PCDH11X: variants seen among roughly 807,000 people sequenced by gnomAD.
PCDH11X encodes the protein protocadherin-11 X-linked.
A neutral mutation model predicts 53.3 loss-of-function variants in PCDH11X; 18 were observed. The ratio of observed to expected loss-of-function variants is 0.34; its 90% CI spans 0.23 to 0.50. The LOEUF (loss-of-function observed/expected upper bound fraction) is 0.50, where lower values mean the gene tolerates loss of function less well. PCDH11X is among the 20% of genes least tolerant of loss of function. PCDH11X has a pLI of 0.98. For missense variants in PCDH11X, 570 were observed against 1,032.4 expected (o/e 0.55, Z 6.14); for synonymous variants, 279 against 393.3 (o/e 0.71, Z 3.44).
chrX:92,024,829 C>G (rs1436609217), intron 6 of PCDH11X, among the ~76,000 whole-genome samples: 2 of 106,441 alleles, frequency 1.9e-5, no homozygotes, highest in African/African-American at 6.8e-5. Context: ...TACTGACATA[C>G]AATGGAATAG....
intron 10 of PCDH11X, among the ~76,000 whole-genome samples, chrX:92,580,860 G>A (rs5985008): frequency 0.36 from 39,868 of 109,978 alleles, 6,019 homozygotes; most frequent in African/African-American, 0.55. Context: ...CTTGGGTGGA[G>A]GTGGGAGCTC....
intron 10 of PCDH11X, among the ~76,000 whole-genome samples, chrX:92,570,392 C>G: frequency 8.9e-6 from 1 of 111,793 alleles, no homozygotes; most frequent in East Asian, 2.8e-4. Flanking sequence ...ACATAAATTA[C>G]TTGATCATGT....
At chrX:92,517,255 C>T (rs896381032) in intron 10 of PCDH11X, among the ~76,000 whole-genome samples, 4 of 111,654 alleles carry the variant, frequency 3.6e-5, no homozygotes. Flanking sequence ...AAAAACAGAG[C>T]TTGAGTGTGT....
intron 6 of PCDH11X, among the ~76,000 whole-genome samples, chrX:92,184,229 T>C (rs1422119925): frequency 8.9e-6 from 1 of 111,922 alleles, no homozygotes; most frequent in South Asian, 3.7e-4. Context: ...TTGGTGAAAA[T>C]GTAGACACTG....
intron 6 of PCDH11X, chrX:92,113,469 C>A (rs1339135224): frequency 1.7e-6 from 2 of 1,203,853 alleles, no homozygotes; most frequent in African/African-American, 1.8e-5. Flanking sequence ...CTCTGGCCAG[C>A]AGGTCAGTGG....
chrX:92,275,198 T>A (rs1441620480), intron 8 of PCDH11X, among the ~76,000 whole-genome samples: 1 of 101,472 alleles, frequency 9.9e-6, no homozygotes, highest in Non-Finnish European at 2.0e-5. Flanking sequence ...GGTCAAGTTA[T>A]TTGGACAGAA....
intron 6 of PCDH11X, among the ~76,000 whole-genome samples, chrX:92,116,761 A>AT (rs1401138734): frequency 1.8e-5 from 2 of 109,396 alleles, no homozygotes; most frequent in African/African-American, 6.7e-5. Flanking sequence ...AATGTTTTGT[A>AT]TTTTTTTGTA....
At chrX:92,489,332 G>A (rs1202053343) in intron 10 of PCDH11X, among the ~76,000 whole-genome samples, 1 of 110,495 alleles carries the variant, frequency 9.1e-6, no homozygotes, top group Non-Finnish European at 1.9e-5. Context: ...CGCCCACTAT[G>A]AGCTCTGAGC....
In PCDH11X at chrX:92,622,570, A is replaced by G. The variant is rs1231819102; in HGVS notation, c.*3630A>G. The G allele has an allele frequency of 2.7e-5, 3 of 110,932 alleles. No homozygotes were observed. The highest frequency in any genetic ancestry group is 5.7e-5 in the Non-Finnish European group (3 of 52,851). 9.1% of individuals were successfully genotyped at this position (110,932 alleles called of 1,213,427 possible). ...TTTATATTTTTTGGAAACCAAATTT[A>G]TAGTTAGTTTAGGTAAACTTTTTAT... On this transcript the variant is annotated 3_prime_UTR_variant, in exon 11 of 11. Coordinates refer to ENST00000682573, the MANE Select transcript of PCDH11X (RefSeq NM_032968.5).
At chrX:92,222,539 C>A (rs1185370998) in intron 7 of PCDH11X, among the ~76,000 whole-genome samples, 2 of 111,584 alleles carry the variant, frequency 1.8e-5, no homozygotes, top group African/African-American at 6.5e-5. Context: ...ATGTAGAATT[C>A]TTTTGTTGTT....
At chrX:92,525,977 C>G (rs912630266) in intron 10 of PCDH11X, among the ~76,000 whole-genome samples, 1 of 111,363 alleles carries the variant, frequency 9.0e-6, no homozygotes, top group African/African-American at 3.3e-5. Context: ...GAATTCAGTA[C>G]TTGGGCTCCA....
At chrX:92,145,170 G>T (rs1443824812) in intron 6 of PCDH11X, among the ~76,000 whole-genome samples, 1 of 111,038 alleles carries the variant, frequency 9.0e-6, no homozygotes, top group Non-Finnish European at 1.9e-5. Flanking sequence ...TGTATACAAT[G>T]GCTCTAATTT....
chrX:92,119,548 A>C (rs1338000241), intron 6 of PCDH11X, among the ~76,000 whole-genome samples: 1 of 111,558 alleles, frequency 9.0e-6, no homozygotes, highest in Non-Finnish European at 1.9e-5. Flanking sequence ...CTTTATTAGA[A>C]AGATAGGAAA....
intron 6 of PCDH11X, among the ~76,000 whole-genome samples, chrX:91,880,662 C>T (rs1259027060): frequency 1.5e-4 from 17 of 109,973 alleles, no homozygotes; most frequent in African/African-American, 5.3e-4. Flanking sequence ...TAAACTAGAA[C>T]CCTAGTGTCT....
At chrX:92,095,163 T>G (rs1487576027) in intron 6 of PCDH11X, among the ~76,000 whole-genome samples, 1 of 110,839 alleles carries the variant, frequency 9.0e-6, no homozygotes, top group Non-Finnish European at 1.9e-5. Flanking sequence ...GTCTAGGTTG[T>G]CATTAGTGTT....
intron 8 of PCDH11X, among the ~76,000 whole-genome samples, chrX:92,274,915 G>T (rs1215699981): frequency 9.1e-6 from 1 of 110,010 alleles, no homozygotes; most frequent in Admixed American, 9.7e-5. Context: ...TACAGTCATG[G>T]GGGTCAGGTG....
chrX:91,895,636 T>C lies in PCDH11X; in HGVS notation c.3033+16363T>C, dbSNP rs184672969. ...CAGAAATATCAAATAATTTTATATA[T>C]TCTACATGAGGTTTCCCCTTGCCCA... On this transcript the variant is annotated intron_variant, in intron 6 of 10. Coordinates refer to ENST00000682573, the MANE Select transcript of PCDH11X (RefSeq NM_032968.5). Among the ~76,000 whole-genome samples, 3 of 109,578 alleles carry C rather than the reference T, an allele frequency of 2.7e-5. No homozygotes were observed. The Admixed American group carries it at 3.0e-4, about 11-fold the overall frequency.
chrX:92,308,214 G>A (rs1334914846), intron 8 of PCDH11X, among the ~76,000 whole-genome samples: 2 of 110,649 alleles, frequency 1.8e-5, no homozygotes, highest in African/African-American at 3.3e-5. Flanking sequence ...AAAAAAGAAC[G>A]AAGTGGGAGG....
In PCDH11X at chrX:92,172,588, A is replaced by G. The variant is rs372311127; in HGVS notation, c.3034-28787A>G. 2.9e-4 allele frequency among the ~76,000 whole-genome samples: 32 copies of G among 110,286 alleles called. No individual in the cohort carries two copies. In the East Asian group the frequency reaches 4.9e-3, roughly 17 times the overall value. On this transcript the variant is annotated intron_variant, in intron 6 of 10. Coordinates refer to ENST00000682573, the MANE Select transcript of PCDH11X (RefSeq NM_032968.5). ...AATTTTTTTTTGACATTAGATTATT[A>G]GTAAAACTGCCCCATTGCTCAAGAT...
Sources: allele counts gnomAD v4.1 joint callset (sites outside exome capture counted in the v4.1 genomes callset), GRCh38; gene constraint gnomAD v4.1.1; transcripts MANE v1.5; gene names NCBI Gene and HGNC (gene_info 2026-07-23, HGNC 2026-07-21).